STARD13: variants seen among roughly 807,000 people sequenced by gnomAD.
STARD13 encodes the protein StAR related lipid transfer domain containing 13, also known as stAR-related lipid transfer protein 13.
Under a neutral mutation model 106.4 loss-of-function variants are expected in STARD13, and 62 were observed. The observed-to-expected ratio is 0.58, with a 90% CI of 0.48 to 0.72. The LOEUF (loss-of-function observed/expected upper bound fraction) is 0.72. Among genes scored for constraint, STARD13 ranks in the 30% least tolerant of loss-of-function variants. The pLI is 0.00. For missense variants in STARD13, 1,387 were observed against 1,424.0 expected, an observed-to-expected ratio of 0.97 and a Z score of 0.42; for synonymous variants, 565 against 553.0, an observed-to-expected ratio of 1.02 and a Z score of -0.31.
exon 1 of STARD13, chr13:33,350,595 G>A: frequency 2.2e-6 from 3 of 1,385,764 alleles, no homozygotes; most frequent in Non-Finnish European, 2.8e-6. Context: ...CGAGGACCGG[G>A]ATGCCTGGCC....
At chr13:33,333,393 A>T (rs887583522) in intron 1 of STARD13, among the ~76,000 whole-genome samples, 1 of 152,204 alleles carries the variant, frequency 6.6e-6, no homozygotes, top group African/African-American at 2.4e-5. Flanking sequence ...GCCTCAAAAA[A>T]TAAAATAAAA....
In STARD13 at chr13:33,129,080, T is replaced by C. The variant is rs1405913679; in HGVS notation, c.1597A>G (p.Thr533Ala). The C allele has an allele frequency of 4.3e-6, 7 of 1,614,130 alleles. No homozygotes were observed. In the South Asian group the frequency reaches 5.5e-5, roughly 13 times the overall value. Residue 533 changes from threonine (T) to alanine (A), a missense_variant, in exon 5 of 14, where the codon ACC becomes GCC. Physicochemically the swap from Thr to Ala is moderately conservative, Grantham distance 58. Transcript: ENST00000336934. ...LSTFPSPNQI[T>A]LDFEGNSVSE... ...ACAGAGTTACCTTCAAAATCTAAGG[T>C]GATCTGATTAGGAGATGGAAAGGTG...
At chr13:33,199,853 A>G (rs1886891259) in intron 1 of STARD13, among the ~76,000 whole-genome samples, 1 of 152,222 alleles carries the variant, frequency 6.6e-6, no homozygotes, top group Non-Finnish European at 1.5e-5. Flanking sequence ...TAATGTATAT[A>G]TATGGCCAGT....
the STARD13 span, among the ~76,000 whole-genome samples, chr13:33,369,804 C>T: frequency 2.6e-5 from 4 of 152,034 alleles, no homozygotes; most frequent in African/African-American, 7.2e-5. Flanking sequence ...AGAAAATCAC[C>T]GGGCTTGGCT....
chr13:33,218,690 T>G (rs910551163), intron 1 of STARD13, among the ~76,000 whole-genome samples: 2 of 152,224 alleles, frequency 1.3e-5, no homozygotes, highest in Non-Finnish European at 2.9e-5. Context: ...TTATAAGAAA[T>G]GCTGCCATAC....
the STARD13 span, among the ~76,000 whole-genome samples, chr13:33,575,301 A>G: frequency 2.0e-5 from 3 of 152,352 alleles, no homozygotes; most frequent in Middle Eastern, 3.4e-3. Flanking sequence ...TATCTAAAAT[A>G]TAATTGTCTA....
At chr13:33,492,764 G>A in the STARD13 span, among the ~76,000 whole-genome samples, 1 of 152,146 alleles carries the variant, frequency 6.6e-6, no homozygotes, top group Non-Finnish European at 1.5e-5. Context: ...CTCTGTCTAT[G>A]GACTAGCCAT....
the STARD13 span, among the ~76,000 whole-genome samples, chr13:33,563,636 T>C: frequency 6.8e-6 from 1 of 147,000 alleles, no homozygotes; most frequent in Non-Finnish European, 1.5e-5. Context: ...AAAGAAAACT[T>C]TGGGGAAATG....
At chr13:33,414,983 C>G in the STARD13 span, among the ~76,000 whole-genome samples, 1 of 152,138 alleles carries the variant, frequency 6.6e-6, no homozygotes, top group Admixed American at 6.5e-5. Context: ...CCCCTCGCTT[C>G]CCTCTTTTTC....
chr13:33,674,216 G>C, the STARD13 span, among the ~76,000 whole-genome samples: 1 of 152,000 alleles, frequency 6.6e-6, no homozygotes, highest in Non-Finnish European at 1.5e-5. Flanking sequence ...AAAATACAAC[G>C]GTCTAATTGC....
At chr13:33,359,258 A>C in the STARD13 span, among the ~76,000 whole-genome samples, 1 of 152,100 alleles carries the variant, frequency 6.6e-6, no homozygotes, top group South Asian at 2.1e-4. Flanking sequence ...TTCACTCCTG[A>C]GCCCAGCGAG....
chr13:33,667,531 T>A, the STARD13 span, among the ~76,000 whole-genome samples: 1 of 152,254 alleles, frequency 6.6e-6, no homozygotes, highest in Non-Finnish European at 1.5e-5. Flanking sequence ...TTTGTGTGTA[T>A]GTGTGAATGT....
the STARD13 span, among the ~76,000 whole-genome samples, chr13:33,478,031 T>A: frequency 6.6e-6 from 1 of 152,272 alleles, no homozygotes; most frequent in Middle Eastern, 3.4e-3. Context: ...ATTCCTGTTT[T>A]CCTAACTGAC....
At chr13:33,277,059 AAG>A (rs547755407) in intron 1 of STARD13, among the ~76,000 whole-genome samples, 89,268 of 148,734 alleles carry the variant, frequency 0.6, 27,377 homozygotes, top group East Asian at 0.84. Context: ...AAAAAAAAAA[AAG>A]AGAGAGAATT....
At chr13:33,417,391 T>C in the STARD13 span, among the ~76,000 whole-genome samples, 1 of 152,080 alleles carries the variant, frequency 6.6e-6, no homozygotes, top group African/African-American at 2.4e-5. Flanking sequence ...GAAGGAAAAC[T>C]AACGAAAGAA....
rs112687678 is a variant in STARD13, at chr13:33,335,641, G to A, written c.124+14649C>T. Among the ~76,000 whole-genome samples, 751 of 152,318 alleles carry A rather than the reference G, an allele frequency of 4.9e-3. 4 individuals carry two copies. The highest frequency in any genetic ancestry group is 0.017 in the African/African-American group (696 of 41,560). ...TAGTAACGGTAAGCATAGTCAACACGTACCATTATGTAGTCTGTGCCATAC... is the reference window on the plus strand; with the variant it reads ...TAGTAACGGTAAGCATAGTCAACACATACCATTATGTAGTCTGTGCCATAC... On this transcript the variant is annotated intron_variant, in intron 1 of 5. Transcript: ENST00000567873.
At chr13:33,567,031 G>A in the STARD13 span, among the ~76,000 whole-genome samples, 2 of 148,068 alleles carry the variant, frequency 1.4e-5, no homozygotes, top group Non-Finnish European at 3.0e-5. Flanking sequence ...TTCCCATAGT[G>A]CAATTCCTAT....
chr13:33,589,056 CCAAT>C, the STARD13 span, among the ~76,000 whole-genome samples: 8 of 152,134 alleles, frequency 5.3e-5, no homozygotes, highest in African/African-American at 1.9e-4. Context: ...ACTTTTCTGA[CCAAT>C]CATTTACACA....
the STARD13 span, among the ~76,000 whole-genome samples, chr13:33,389,327 GA>G: frequency 2.6e-5 from 4 of 152,104 alleles, no homozygotes; most frequent in Non-Finnish European, 5.9e-5. Flanking sequence ...ATGTAAGGAA[GA>G]ATGAACCCAC....
Sources: allele counts gnomAD v4.1 joint callset (sites outside exome capture counted in the v4.1 genomes callset), GRCh38; gene constraint gnomAD v4.1.1; transcripts MANE v1.5; gene names NCBI Gene and HGNC (gene_info 2026-07-23, HGNC 2026-07-21).